Variants in TGFBR1 observed in about 807,000 individuals in gnomAD.
TGFBR1 encodes transforming growth factor beta receptor 1, also known as TGF-beta receptor type-1.
Under a neutral mutation model 55.1 loss-of-function variants are expected in TGFBR1, and 20 were observed. That is an observed-to-expected ratio of 0.36 (90% CI 0.26 to 0.53). TGFBR1 has a LOEUF of 0.53. Ranked by LOEUF, TGFBR1 falls within the 20% of genes least tolerant of loss-of-function variation. The pLI, the probability that TGFBR1 is intolerant of heterozygous loss-of-function variation, is 0.91. For missense variants in TGFBR1, 385 were observed against 617.6 expected (o/e 0.62, Z 3.99); for synonymous variants, 220 against 214.8 (o/e 1.02, Z -0.21).
At position 99,149,189 on chromosome 9, in the gene TGFBR1, G is replaced by C. The variant is rs1827898231; in HGVS notation, c.1396G>C (p.Val466Leu). ...TTATATTTTCTTGTAGGCCTTGAGA[G>C]TAATGGCTAAAATTATGAGAGAATG... Reference protein sequence around the residue: ...NRWQSCEALRVMAKIMRECWY... With the variant: ...NRWQSCEALRLMAKIMRECWY... The change falls in exon 9 of 9, where the codon GTA (valine) becomes CTA (leucine). Residue 466 changes from valine (V) to leucine (L), a missense_variant. By Grantham distance (32) the Val-to-Leu change is conservative. Around this residue, in one of 5 missense-constraint regions of TGFBR1, gnomAD observed 110 missense variants for 154.6 expected, o/e 0.71. Transcript: ENST00000374994. The C allele has an allele frequency of 6.2e-7, 1 of 1,610,380 alleles. No homozygotes were observed. Among genetic ancestry groups the C allele is most frequent in the Non-Finnish European group, 8.5e-7 (1 of 1,178,088 alleles).
intron 1 of TGFBR1, among the ~76,000 whole-genome samples, chr9:99,112,997 GAGTTTTTATTTAGACCCTGA>G (rs1332535822): frequency 6.6e-6 from 1 of 152,118 alleles, no homozygotes; most frequent in African/African-American, 2.4e-5. Flanking sequence ...ACCTTAAATG[GAGTTTTTATTTAGACCCTGA>G]AGTCCTAGCT....
Position 99,132,594 on chromosome 9 carries a change from G to C in TGFBR1, c.429G>C (p.Leu143Phe). ...GCTTCGTCTGCATCTCACTCATGTT[G>C]ATGGTCTATATCTGCCACAACCGCA... The part of the protein sequence containing the change: ...PVCFVCISLM[L>F]MVYICHNRTV... Residue 143 changes from leucine to phenylalanine, a missense_variant, in exon 3 of 9, where the codon TTG becomes TTC. Physicochemically the swap from Leu to Phe is conservative, Grantham distance 22. Coordinates refer to ENST00000374994, the MANE Select transcript of TGFBR1 (RefSeq NM_004612.4). 2 of 1,614,176 alleles carry C rather than the reference G, an allele frequency of 1.2e-6. No individual in the cohort carries two copies. Among genetic ancestry groups the C allele is most frequent in the Non-Finnish European group, 1.7e-6 (2 of 1,180,036 alleles).
intron 1 of TGFBR1, among the ~76,000 whole-genome samples, chr9:99,122,761 T>C (rs1266370875): frequency 6.6e-6 from 1 of 152,170 alleles, no homozygotes; most frequent in Non-Finnish European, 1.5e-5. Context: ...TTCCTTTTAG[T>C]GCTGAATCAC....
At chr9:99,122,207 G>A (rs766324820) in intron 1 of TGFBR1, among the ~76,000 whole-genome samples, 9 of 152,004 alleles carry the variant, frequency 5.9e-5, no homozygotes, top group Non-Finnish European at 7.4e-5. Context: ...GTATTCAAGC[G>A]TATGCATAAA....
At chr9:99,111,407 T>C (rs368014015) in intron 1 of TGFBR1, among the ~76,000 whole-genome samples, 3 of 142,756 alleles carry the variant, frequency 2.1e-5, no homozygotes, top group East Asian at 4.2e-4. Context: ...AGTGGGCGAA[T>C]CACGAGGTCA....
chr9:99,115,156 G>A (rs893159254), intron 1 of TGFBR1, among the ~76,000 whole-genome samples: 1 of 151,870 alleles, frequency 6.6e-6, no homozygotes, highest in Non-Finnish European at 1.5e-5. Flanking sequence ...TGAACAATTC[G>A]GGTTTATCAC....
At chr9:99,129,439 C>G (rs1005317632) in intron 2 of TGFBR1, among the ~76,000 whole-genome samples, 1 of 152,222 alleles carries the variant, frequency 6.6e-6, no homozygotes, top group Non-Finnish European at 1.5e-5. Context: ...TATAATGCTC[C>G]TATCTTTTAA....
chr9:99,105,233 C>T lies in TGFBR1; in HGVS notation c.28C>T (p.Pro10Ser). The change falls in exon 1 of 9, where the codon CCC (proline) becomes TCC (serine). Residue 10 changes from proline (P) to serine (S), a missense_variant. Physicochemically the swap from Pro to Ser is moderately conservative, Grantham distance 74. Transcript: ENST00000374994. MEAAVAAPR[P>S]RLLLLVLAAA... is the part of the protein sequence containing the mutation. ...GGAGGCGGCGGTCGCTGCTCCGCGT[C>T]CCCGGCTGCTCCTCCTCGTGCTGGC... 6 of 1,072,124 alleles carry T rather than the reference C, an allele frequency of 5.6e-6. No individual in the cohort carries two copies. The highest frequency in any genetic ancestry group is 6.7e-6 in the Non-Finnish European group (6 of 889,530). 66.4% of individuals were successfully genotyped at this position (1,072,124 alleles called of 1,614,324 possible).
Position 99,149,423 on chromosome 9 carries a change from A to G in TGFBR1, c.*118A>G. On this transcript the variant is annotated 3_prime_UTR_variant, in exon 9 of 9. Coordinates refer to ENST00000374994, the MANE Select transcript of TGFBR1 (RefSeq NM_004612.4). ...ACAGAAGGATATTGCTTCCTTTTGC[A>G]GCAGTGTAATAAAGTCAATTAAAAA... The G allele has an allele frequency of 1.4e-6, 2 of 1,447,856 alleles. No individual in the cohort carries two copies. The highest frequency in any genetic ancestry group is 1.9e-6 in the Non-Finnish European group (2 of 1,035,590). 89.7% of individuals were successfully genotyped at this position (1,447,856 alleles called of 1,614,324 possible). A position where few individuals can be genotyped will look rare whatever the true frequency, so the allele number is the denominator to read the frequency against.
At chr9:99,148,594 C>T (rs1367739918) in intron 8 of TGFBR1, among the ~76,000 whole-genome samples, 1 of 152,136 alleles carries the variant, frequency 6.6e-6, no homozygotes, top group African/African-American at 2.4e-5. Context: ...AGCTTGCTAC[C>T]TCCAACAAAA....
intron 4 of TGFBR1, among the ~76,000 whole-genome samples, chr9:99,140,687 A>C (rs555568017): frequency 3.3e-5 from 5 of 152,262 alleles, no homozygotes; most frequent in African/African-American, 1.2e-4. Context: ...ACTGGTTCAT[A>C]TGAAGGTACT....
In TGFBR1 at chr9:99,132,562, C is replaced by G; in HGVS notation, c.397C>G (p.Pro133Ala). The G allele has an allele frequency of 6.2e-7, 1 of 1,614,144 alleles. No individual in the cohort carries two copies. The highest frequency in any genetic ancestry group is 2.2e-5 in the East Asian group (1 of 44,888). The change falls in exon 3 of 9, where the codon CCA becomes GCA. Residue 133 changes from proline (P) to alanine (A), a missense_variant. Pro to Ala is a conservative substitution (Grantham distance 27, BLOSUM62 -1). Transcript: ENST00000374994. ...PVELAAVIAG[P>A]VCFVCISLML... ...GGAACTGGCAGCTGTCATTGCTGGA[C>G]CAGTGTGCTTCGTCTGCATCTCACT...
Position 99,153,461 on chromosome 9 carries a change from T to G in TGFBR1, c.*4156T>G, listed in dbSNP as rs1055165051. The G allele has an allele frequency of 4.8e-6, 1 of 206,548 alleles. No individual in the cohort carries two copies. The highest frequency in any genetic ancestry group is 9.9e-6 in the Non-Finnish European group (1 of 100,832). 12.8% of individuals were successfully genotyped at this position (206,548 alleles called of 1,614,324 possible). ...AATTTCCATTGAAGTCGAATGATAC[T>G]GAGAAGCCTGTAAAGAGGAGAAAAA... On this transcript the variant is annotated 3_prime_UTR_variant, in exon 9 of 9. Coordinates refer to ENST00000374994, the MANE Select transcript of TGFBR1 (RefSeq NM_004612.4).
intron 5 of TGFBR1, 69 bp from the exon 6 acceptor site, chr9:99,144,663 G>T: frequency 6.3e-7 from 1 of 1,592,478 alleles, no homozygotes. Context: ...AGAGACTTTT[G>T]AACCTAAAGA....
intron 1 of TGFBR1, among the ~76,000 whole-genome samples, chr9:99,107,550 C>T (rs1826448917): frequency 6.7e-6 from 1 of 150,260 alleles, no homozygotes; most frequent in Admixed American, 6.6e-5. Context: ...TTGAATGTCT[C>T]CTCCTTTCTT....
intron 7 of TGFBR1, among the ~76,000 whole-genome samples, 186 bp from the exon 8 acceptor site, chr9:99,147,468 G>A (rs1286816263): frequency 6.6e-6 from 1 of 152,118 alleles, no homozygotes; most frequent in Non-Finnish European, 1.5e-5. Context: ...AGGTGTGGGT[G>A]GAATATCAAC....
At chr9:99,148,183 A>G (rs971882010) in intron 8 of TGFBR1, among the ~76,000 whole-genome samples, 1 of 152,214 alleles carries the variant, frequency 6.6e-6, no homozygotes, top group Admixed American at 6.5e-5. Flanking sequence ...AGTTCTCTGG[A>G]CTTTAATATC....
chr9:99,132,406 A>G, intron 2 of TGFBR1, 103 bp from the exon 3 acceptor site: 1 of 1,556,024 alleles, frequency 6.4e-7, no homozygotes, highest in East Asian at 2.3e-5. Context: ...AAGTGGTGGC[A>G]GTGGCCAGCT....
intron 2 of TGFBR1, among the ~76,000 whole-genome samples, chr9:99,131,696 G>A (rs528886243): frequency 6.6e-6 from 1 of 152,114 alleles, no homozygotes; most frequent in Non-Finnish European, 1.5e-5. Flanking sequence ...TATTGGCCGG[G>A]CATGGCTCAT....
Sources: allele counts gnomAD v4.1 joint callset (sites outside exome capture counted in the v4.1 genomes callset), GRCh38; gene constraint gnomAD v4.1.1; regional missense constraint gnomAD v4.1.1; transcripts MANE v1.5; gene names NCBI Gene and HGNC (gene_info 2026-07-23, HGNC 2026-07-21).